DYNC1H1: variants seen among roughly 807,000 people sequenced by gnomAD.
DYNC1H1 encodes cytoplasmic dynein 1 heavy chain 1.
A neutral mutation model predicts 527.1 loss-of-function variants in DYNC1H1; 51 were observed. That is an observed-to-expected ratio of 0.10 (90% CI 0.08 to 0.12). The LOEUF (loss-of-function observed/expected upper bound fraction) is 0.12. DYNC1H1 is among the 10% of genes least tolerant of loss of function. The probability of loss-of-function intolerance (pLI) is 1.00; values close to 1 mark genes in which losing one functional copy is unlikely to be tolerated. For synonymous variants in DYNC1H1, 2,189 were observed against 2,278.8 expected (o/e 0.96, Z 1.12); for missense variants, 2,771 against 5,971.8 (o/e 0.46, Z 17.66).
rs1394581147 is a variant in DYNC1H1, at chr14:102,055,680, T to G, written c.*5117T>G. On this transcript the variant is annotated 3_prime_UTR_variant, in exon 78 of 78. Transcript: ENST00000360184. Reference sequence around the variant, plus strand: ...CAAGGTAAAACCCTGAGGTTGTCCCTCCTCCGCGGCACCTCCAGGTATCTG... The same window carrying G: ...CAAGGTAAAACCCTGAGGTTGTCCCGCCTCCGCGGCACCTCCAGGTATCTG... The G allele has an allele frequency of 6.6e-6, 1 of 152,540 alleles. No homozygotes were observed. The highest frequency in any genetic ancestry group is 1.9e-4 in the East Asian group (1 of 5,200). The allele number at this position is 152,540 out of a possible 1,614,324, so 9.4% of individuals were successfully genotyped here.
At chr14:102,048,930 C>G in intron 74 of DYNC1H1, 1 of 517,516 alleles carries the variant, frequency 1.9e-6, no homozygotes, top group Non-Finnish European at 3.5e-6. Flanking sequence ...AGGGGTCTTC[C>G]AAGACGACAG....
rs2048260340 is a variant in DYNC1H1, at chr14:102,011,692, C to T, written c.6619-183C>T. 7 of 628,098 alleles carry T rather than the reference C, an allele frequency of 1.1e-5. No homozygotes were observed. The highest frequency in any genetic ancestry group is 1.4e-5 in the Non-Finnish European group (5 of 356,406). The allele number at this position is 628,098 out of a possible 1,614,324, so 38.9% of individuals were successfully genotyped here. A position where few individuals can be genotyped will look rare whatever the true frequency, so the allele number is the denominator to read the frequency against. ...ACTTGAACCTGGGAGGTGGAGCTTG[C>T]GGTGAGCTGAGATCGTGCCACTGCA... On this transcript the variant is annotated intron_variant, in intron 32 of 77. Coordinates refer to ENST00000360184, the MANE Select transcript of DYNC1H1 (RefSeq NM_001376.5). The surrounding 1 kb of genome is among the most constrained non-coding windows in gnomAD (Gnocchi z 5.3).
At chr14:102,024,641 T>C (rs1444424631) in intron 43 of DYNC1H1, among the ~76,000 whole-genome samples, 1 of 151,952 alleles carries the variant, frequency 6.6e-6, no homozygotes. Context: ...GTACCCATTC[T>C]TTTTCATTTA....
At chr14:101,982,322 G>A (rs912758068) in intron 5 of DYNC1H1, among the ~76,000 whole-genome samples, 5 of 152,100 alleles carry the variant, frequency 3.3e-5, no homozygotes, top group South Asian at 2.1e-4. Context: ...GGCTGGGTGC[G>A]GTGGCTCACA....
rs750457011 is a variant in DYNC1H1, at chr14:102,001,292, A to G, written c.4333A>G (p.Ile1445Val). 1 of 1,614,154 alleles carries G rather than the reference A, an allele frequency of 6.2e-7. No homozygotes were observed. The highest frequency in any genetic ancestry group is 8.5e-7 in the Non-Finnish European group (1 of 1,180,022). The change falls in exon 20 of 78, where the codon ATT becomes GTT. Residue 1445 changes from isoleucine to valine, a missense_variant. By Grantham distance (29) the Ile-to-Val change is conservative. Coordinates refer to ENST00000360184, the MANE Select transcript of DYNC1H1 (RefSeq NM_001376.5). This position sits in a 1 kb window ranked among gnomAD's most constrained non-coding sequence, Gnocchi z 5.0. Reference sequence around the variant, plus strand: ...TGTTGACTTGCAGAAAAATGAAGCGATTGTCAAGGATGTACTGCTTGTGGC... The same window carrying G: ...TGTTGACTTGCAGAAAAATGAAGCGGTTGTCAAGGATGTACTGCTTGTGGC... ...WDVDLQKNEAIVKDVLLVAQG... is the reference protein window; with the variant it reads ...WDVDLQKNEAVVKDVLLVAQG...
At position 102,018,487 on chromosome 14, in the gene DYNC1H1, C is replaced by T; in HGVS notation, c.8214C>T (p.Tyr2738=). The change falls in exon 41 of 78, where the codon TAC becomes TAT. Residue 2738 remains tyrosine (Y), a synonymous_variant. Transcript: ENST00000360184. This position sits in a 1 kb window ranked among gnomAD's most constrained non-coding sequence, Gnocchi z 5.2. ...LRHVPVVYVD[Y]PGPASLTQIY... The stretch of plus-strand genomic sequence containing the variant: ...ACGTGCCTGTCGTGTATGTGGATTA[C>T]CCGGGCCCCGCCTCCCTCACACAGA... 1 of 1,613,928 alleles carries T rather than the reference C, an allele frequency of 6.2e-7. No homozygotes were observed. Among genetic ancestry groups the T allele is most frequent in the Middle Eastern group, 1.6e-4 (1 of 6,062 alleles).
chr14:101,981,786 T>TA (rs2047867850), intron 5 of DYNC1H1, among the ~76,000 whole-genome samples: 1 of 152,232 alleles, frequency 6.6e-6, no homozygotes, highest in Admixed American at 6.5e-5. Flanking sequence ...TTTTTGATCT[T>TA]ATGCCAAAGA....
rs140033479 is a variant in DYNC1H1, at chr14:102,048,656, C to G, written c.13359C>G (p.Asn4453Lys). 1.9e-6 allele frequency: 3 copies of G among 1,613,280 alleles called. No homozygotes were observed. Among genetic ancestry groups the G allele is most frequent in the African/African-American group, 1.3e-5 (1 of 75,032 alleles). Reference sequence around the variant, plus strand: ...CCAACTACTTGCGCACGCTGATCAACGAGCTAGTGAAAGGTGCGTGAGAGG... The same window carrying G: ...CCAACTACTTGCGCACGCTGATCAAGGAGCTAGTGAAAGGTGCGTGAGAGG... ...KQTNYLRTLI[N>K]ELVKGILPRS... Residue 4453 changes from asparagine (N) to lysine (K), a missense_variant, in exon 74 of 78, where the codon AAC (asparagine) becomes AAG (lysine). By Grantham distance (94) the Asn-to-Lys change is moderately conservative. Around this residue, in one of 32 missense-constraint regions of DYNC1H1, gnomAD observed 170 missense variants for 249.8 expected, o/e 0.68. Coordinates refer to ENST00000360184, the MANE Select transcript of DYNC1H1 (RefSeq NM_001376.5).
In DYNC1H1 at chr14:102,042,205, AAC is replaced by A; in HGVS notation, c.12215-20_12215-19del. On this transcript the variant is annotated intron_variant, in intron 66 of 77. Coordinates refer to ENST00000360184, the MANE Select transcript of DYNC1H1 (RefSeq NM_001376.5). The surrounding 1 kb of genome is among the most constrained non-coding windows in gnomAD (Gnocchi z 5.7). ...ATTGATGTCCGAGGCTGCCGCTGCTAACACTAAGTTTCCCTGCACCAGGCTCT... is the reference window on the plus strand; with the variant it reads ...ATTGATGTCCGAGGCTGCCGCTGCTAACTAAGTTTCCCTGCACCAGGCTCT... 1 of 1,613,982 alleles carries A rather than the reference AAC, an allele frequency of 6.2e-7. No individual in the cohort carries two copies. Among genetic ancestry groups the A allele is most frequent in the Non-Finnish European group, 8.5e-7 (1 of 1,179,996 alleles).
At position 101,986,513 on chromosome 14, in the gene DYNC1H1, C is replaced by T. The variant is rs1358924141; in HGVS notation, c.2288C>T (p.Ala763Val). 3.1e-6 allele frequency: 5 copies of T among 1,614,102 alleles called. No individual in the cohort carries two copies. The highest frequency in any genetic ancestry group is 2.2e-5 in the East Asian group (1 of 44,864). The change falls in exon 8 of 78, where the codon GCG becomes GTG. Residue 763 changes from alanine (A) to valine (V), a missense_variant. Coordinates refer to ENST00000360184, the MANE Select transcript of DYNC1H1 (RefSeq NM_001376.5). The surrounding 1 kb of genome is among the most constrained non-coding windows in gnomAD (Gnocchi z 8.7). ...LKWLGFRVPL[A>V]IVNKAHQANQ... ...TGGCTTGGTTTCCGCGTCCCACTGG[C>T]GATTGTGAACAAAGCCCATCAAGCA...
chr14:101,994,105 TTTAA>T, intron 11 of DYNC1H1, 75 bp from the exon 12 acceptor site: 1 of 1,607,756 alleles, frequency 6.2e-7, no homozygotes, highest in African/African-American at 1.3e-5. Flanking sequence ...TTCAGTTCAT[TTTAA>T]TTAAGTAAAA....
At chr14:102,003,011 G>C in intron 23 of DYNC1H1, 46 bp downstream of exon 23, 1 of 1,612,134 alleles carries the variant, frequency 6.2e-7, no homozygotes, top group Non-Finnish European at 8.5e-7. Context: ...TTGAATTTCA[G>C]TTGTGCATTT....
rs755482182 is a variant in DYNC1H1, at chr14:102,005,095, C to T, written c.5292C>T (p.Thr1764=). 15 of 1,614,010 alleles carry T rather than the reference C, an allele frequency of 9.3e-6. No homozygotes were observed. Among genetic ancestry groups the T allele is most frequent in the African/African-American group, 1.3e-5 (1 of 74,896 alleles). The change falls in exon 26 of 78, where the codon ACC becomes ACT. Residue 1764 remains threonine (T), a synonymous_variant. Coordinates refer to ENST00000360184, the MANE Select transcript of DYNC1H1 (RefSeq NM_001376.5). This position sits in a 1 kb window ranked among gnomAD's most constrained non-coding sequence, Gnocchi z 4.0. The stretch of plus-strand genomic sequence containing the variant: ...TAGCCTGGTCTGAGAACGTGGAGAC[C>T]GCACTGAGCAGCATGGGCGGAGGTG... The part of the protein sequence containing the change: ...AQIAWSENVE[T]ALSSMGGGGD...
Position 102,048,624 on chromosome 14 carries a change from A to C in DYNC1H1, c.13327A>C (p.Lys4443Gln), listed in dbSNP as rs753794752. 20 of 1,613,958 alleles carry C rather than the reference A, an allele frequency of 1.2e-5. No homozygotes were observed. Among genetic ancestry groups the C allele is most frequent in the South Asian group, 2.2e-5 (2 of 91,092 alleles). Reference sequence around the variant, plus strand: ...CGTCCAGGTGTGCGAAGGAAAGAAGAAGCAGACCAACTACTTGCGCACGCT... The same window carrying C: ...CGTCCAGGTGTGCGAAGGAAAGAAGCAGCAGACCAACTACTTGCGCACGCT... ...DVVQVCEGKK[K>Q]QTNYLRTLIN... Residue 4443 changes from lysine to glutamine, a missense_variant, in exon 74 of 78, where the codon AAG (lysine) becomes CAG (glutamine). By Grantham distance (53) the Lys-to-Gln change is moderately conservative (BLOSUM62 1). Around this residue, in one of 32 missense-constraint regions of DYNC1H1, gnomAD observed 170 missense variants for 249.8 expected, o/e 0.68. Coordinates refer to ENST00000360184, the MANE Select transcript of DYNC1H1 (RefSeq NM_001376.5).
In DYNC1H1 at chr14:102,012,714, T is replaced by A; in HGVS notation, c.7014+244T>A. 1 of 554,942 alleles carries A rather than the reference T, an allele frequency of 1.8e-6. No individual in the cohort carries two copies. Among genetic ancestry groups the A allele is most frequent in the South Asian group, 2.0e-5 (1 of 49,876 alleles). 34.4% of individuals were successfully genotyped at this position (554,942 alleles called of 1,614,324 possible). ...ATCATTTATTGAGTAATAAGCACAC[T>A]CTATGATTATCAGTTAACCCTGTAT... On this transcript the variant is annotated intron_variant, in intron 34 of 77. Transcript: ENST00000360184. This position sits in a 1 kb window ranked among gnomAD's most constrained non-coding sequence, Gnocchi z 4.9.
chr14:102,034,777 T>G, intron 56 of DYNC1H1: 2 of 409,622 alleles, frequency 4.9e-6, no homozygotes, highest in South Asian at 4.3e-5. Flanking sequence ...TACAAAAAAA[T>G]TAGCCAGGCG....
At chr14:101,982,617 G>A (rs1382709900) in intron 5 of DYNC1H1, among the ~76,000 whole-genome samples, 1 of 151,778 alleles carries the variant, frequency 6.6e-6, no homozygotes, top group Non-Finnish European at 1.5e-5. Flanking sequence ...TAGAAATAAA[G>A]TGCACAATAA....
chr14:101,990,497 A>G (rs1239968978), intron 10 of DYNC1H1, among the ~76,000 whole-genome samples: 1 of 152,198 alleles, frequency 6.6e-6, no homozygotes, highest in South Asian at 2.1e-4. Flanking sequence ...ATACAAGACC[A>G]TGTCTGATAA....
At position 102,029,441 on chromosome 14, in the gene DYNC1H1, C is replaced by T; in HGVS notation, c.9469-98C>T. The T allele has an allele frequency of 6.5e-7, 1 of 1,538,108 alleles. No homozygotes were observed. Among genetic ancestry groups the T allele is most frequent in the African/African-American group, 1.4e-5 (1 of 73,292 alleles). ...TCTGGCCCCGAGGGCCAGGCTCCTT[C>T]TATCATGTCACACCCATCTGCCAAG... On this transcript the variant is annotated intron_variant, in intron 48 of 77. Coordinates refer to ENST00000360184, the MANE Select transcript of DYNC1H1 (RefSeq NM_001376.5). This position sits in a 1 kb window ranked among gnomAD's most constrained non-coding sequence, Gnocchi z 5.3.
Sources: gnomAD v4.1 joint callset for allele counts (sites outside exome capture counted in the v4.1 genomes callset) on GRCh38, gnomAD v4.1.1 for gene constraint, gnomAD v4.1.1 regional missense constraint, Gnocchi (gnomAD v3.1) non-coding constraint, MANE v1.5 for transcripts, NCBI Gene and HGNC (gene_info 2026-07-23, HGNC 2026-07-21) for gene names.